The following MDGA1 variants were observed in gnomAD, a reference collection of about 807,000 sequenced individuals.
MDGA1 encodes the protein MAM domain containing glycosylphosphatidylinositol anchor 1.
MDGA1 carries 54 observed loss-of-function variants against 101.5 expected under a neutral mutation model. That is an observed-to-expected ratio of 0.53 (90% CI 0.43 to 0.67). The LOEUF is 0.67. Among genes scored for constraint, MDGA1 ranks in the 30% least tolerant of loss-of-function variants. MDGA1 has a pLI of 0.00. For synonymous variants in MDGA1, 533 were observed against 558.3 expected (o/e 0.95, Z 0.64); for missense variants, 1,083 against 1,323.8 (o/e 0.82, Z 2.82).
At chr6:37,650,775 C>T (rs1269711617) in intron 7 of MDGA1, among the ~76,000 whole-genome samples, 2 of 152,190 alleles carry the variant, frequency 1.3e-5, no homozygotes, top group Non-Finnish European at 2.9e-5. Flanking sequence ...TCTTCTCTTG[C>T]CCTAGTGTGT....
At chr6:37,644,386 G>A (rs1764174182) in intron 13 of MDGA1, 111 bp downstream of exon 13, 3 of 1,173,454 alleles carry the variant, frequency 2.6e-6, no homozygotes, top group Non-Finnish European at 3.4e-6. Flanking sequence ...GAACAGGGCT[G>A]CGTCTCCCTC....
rs1761402823 is a variant in MDGA1 at position 37,652,954 on chromosome 6, T to C, written c.983-614A>G. 6.6e-6 allele frequency among the ~76,000 whole-genome samples: 1 copy of C among 152,258 alleles called. No individual in the cohort carries two copies. Among genetic ancestry groups the C allele is most frequent in the African/African-American group, 2.4e-5 (1 of 41,470 alleles). ...GACTCTTTGTAATAAGTGAGTGTAA[T>C]TTTTGTAATAAGAGACCAATACGAT... is the stretch of plus-strand genomic sequence containing the variant. On this transcript the variant is annotated intron_variant, in intron 6 of 16. Transcript: ENST00000434837. This position sits in a 1 kb window ranked among gnomAD's most constrained non-coding sequence, Gnocchi z 4.3.
At chr6:37,646,398 A>G (rs1180735301) in intron 10 of MDGA1, 23 bp from the exon 11 acceptor site, 1 of 1,445,636 alleles carries the variant, frequency 6.9e-7, no homozygotes, top group Non-Finnish European at 9.2e-7. Flanking sequence ...GAGAGTTCCC[A>G]GATGCCTAGG....
In MDGA1 at chr6:37,697,384, C is replaced by A. The variant is rs1247652983; in HGVS notation, c.-573G>T. The A allele has an allele frequency of 2.6e-5, 4 of 152,082 alleles. No homozygotes were observed. The highest frequency in any genetic ancestry group is 2.1e-4 in the South Asian group (1 of 4,832). 9.4% of individuals were successfully genotyped at this position (152,082 alleles called of 1,614,324 possible). A position where few individuals can be genotyped will look rare whatever the true frequency, so the allele number is the denominator to read the frequency against. The stretch of plus-strand genomic sequence containing the variant: ...CTCGCGGCGGCGAAGCAGCCCCGGG[C>A]CCGGCCCTCCTGATCCGGGGAGCAG... On this transcript the variant is annotated 5_prime_UTR_variant, in exon 1 of 17. Transcript: ENST00000434837.
rs1443722367 is a variant in MDGA1 at position 37,632,611 on chromosome 6, C to G, written c.*4757G>C. 6.5e-6 allele frequency: 1 copy of G among 152,736 alleles called. No individual in the cohort carries two copies. The highest frequency in any genetic ancestry group is 2.4e-5 in the African/African-American group (1 of 41,430). 9.5% of individuals were successfully genotyped at this position (152,736 alleles called of 1,614,324 possible). A position where few individuals can be genotyped will look rare whatever the true frequency, so the allele number is the denominator to read the frequency against. On this transcript the variant is annotated 3_prime_UTR_variant, in exon 17 of 17. Coordinates refer to ENST00000434837, the MANE Select transcript of MDGA1 (RefSeq NM_153487.4). ...AGGTGAAAGAGAGGCAAATGGGGAA[C>G]AGAGGCTGGGGTGGAGACAGACAGC...
At chr6:37,637,784 T>C (rs148657155) in intron 16 of MDGA1, among the ~76,000 whole-genome samples, 3 of 152,278 alleles carry the variant, frequency 2.0e-5, no homozygotes, top group African/African-American at 7.2e-5. Flanking sequence ...GGATTAACTG[T>C]TGTGAGGTAA....
intron 1 of MDGA1, among the ~76,000 whole-genome samples, chr6:37,677,255 C>A (rs2114082843): frequency 6.6e-6 from 1 of 152,274 alleles, no homozygotes; most frequent in African/African-American, 2.4e-5. Context: ...CCAGCTCAAA[C>A]TTTCCGTCAC....
At position 37,658,968 on chromosome 6, in the gene MDGA1, CAAAAAAA is replaced by C. The variant is rs34087406; in HGVS notation, c.208-556_208-550del. ...CCTGGGCAACGGAGCAAGACTGTTT[CAAAAAAA>C]AAAAAAAAAAAAAAGACTGATTTCC... On this transcript the variant is annotated intron_variant, in intron 2 of 16. Coordinates refer to ENST00000434837, the MANE Select transcript of MDGA1 (RefSeq NM_153487.4). Among the ~76,000 whole-genome samples the C allele has an allele frequency of 7.4e-3, 813 of 109,456 alleles. 5 individuals are homozygous for C. Among genetic ancestry groups the C allele is most frequent in the Non-Finnish European group, 0.011 (638 of 57,798 alleles). The allele number at this position is 109,456 out of a possible 152,430, so 71.8% of individuals were successfully genotyped here.
intron 2 of MDGA1, among the ~76,000 whole-genome samples, chr6:37,662,643 A>AAAAAAAGAAAAG (rs572346506): frequency 2.8e-5 from 4 of 145,298 alleles, no homozygotes; most frequent in South Asian, 2.2e-4. Flanking sequence ...TCAAAAAAAA[A>AAAAAAAGAAAAG]AAAACAAGGA....
At chr6:37,657,458 C>T (rs1287524762) in intron 3 of MDGA1, among the ~76,000 whole-genome samples, 1 of 152,198 alleles carries the variant, frequency 6.6e-6, no homozygotes, top group Admixed American at 6.5e-5. Flanking sequence ...CAGCCTCTTC[C>T]AGGGCCAATA....
At chr6:37,637,507 TG>T (rs1763956623) in intron 16 of MDGA1, 48 bp from the exon 17 acceptor site, 1 of 1,549,238 alleles carries the variant, frequency 6.5e-7, no homozygotes, top group East Asian at 2.3e-5. Context: ...TGGTCAGCTC[TG>T]GCAGGGGCAG....
Position 37,631,443 on chromosome 6 carries a change from T to C in MDGA1, c.*5925A>G, listed in dbSNP as rs894123717. 1.3e-5 allele frequency: 2 copies of C among 152,088 alleles called. No homozygotes were observed. Among genetic ancestry groups the C allele is most frequent in the African/African-American group, 4.8e-5 (2 of 41,402 alleles). The allele number at this position is 152,088 out of a possible 1,614,324, so 9.4% of individuals were successfully genotyped here. A position where few individuals can be genotyped will look rare whatever the true frequency, so the allele number is the denominator to read the frequency against. On this transcript the variant is annotated 3_prime_UTR_variant, in exon 17 of 17. Transcript: ENST00000434837. The stretch of plus-strand genomic sequence containing the variant: ...AACATGAGAGCCAATAAAACTTAGG[T>C]GGTAGGGAGAGGGAGCCCTTGGTCT...
chr6:37,654,204 G>T, intron 6 of MDGA1, 70 bp downstream of exon 6: 1 of 1,458,300 alleles, frequency 6.9e-7, no homozygotes, highest in South Asian at 1.5e-5. Flanking sequence ...CTAGTTCATT[G>T]GTAGCTCCCA....
chr6:37,646,238 C>A lies in MDGA1; in HGVS notation c.2184G>T (p.Gly728=). Residue 728 remains glycine, a synonymous_variant, in exon 11 of 17, where the codon GGG becomes GGT. Transcript: ENST00000434837. ...TGATGCGGGAGGCCATGTCACCAGC[C>A]CCGAAGGTGGTATAGGGTGTGAGGC... is the stretch of plus-strand genomic sequence containing the variant. ...EVRLTPYTTF[G]AGDMASRIIH... The A allele has an allele frequency of 2.5e-6, 4 of 1,596,392 alleles. No homozygotes were observed. The highest frequency in any genetic ancestry group is 3.4e-6 in the Non-Finnish European group (4 of 1,169,140).
At position 37,659,103 on chromosome 6, in the gene MDGA1, T is replaced by C. The variant is rs531495403; in HGVS notation, c.208-684A>G. Reference sequence around the variant, plus strand: ...TTGAAGCCTCAGGCCAACAGCCGCGTGAGTTAGCTTGGAAGTAGATCCTCC... The same window carrying C: ...TTGAAGCCTCAGGCCAACAGCCGCGCGAGTTAGCTTGGAAGTAGATCCTCC... On this transcript the variant is annotated intron_variant, in intron 2 of 16. Coordinates refer to ENST00000434837, the MANE Select transcript of MDGA1 (RefSeq NM_153487.4). Among the ~76,000 whole-genome samples the C allele has an allele frequency of 3.3e-5, 5 of 151,578 alleles. 1 individual carries two copies. The highest frequency in any genetic ancestry group is 2.1e-4 in the South Asian group (1 of 4,794).
chr6:37,687,255 T>G (rs923622065), intron 1 of MDGA1, among the ~76,000 whole-genome samples: 1 of 152,048 alleles, frequency 6.6e-6, no homozygotes. Flanking sequence ...TGGGTACTCA[T>G]TAAATATTTG....
intron 14 of MDGA1, among the ~76,000 whole-genome samples, 183 bp downstream of exon 14, chr6:37,643,626 C>G (rs143645153): frequency 6.6e-6 from 1 of 152,332 alleles, no homozygotes; most frequent in South Asian, 2.1e-4. Context: ...CTCAAAACCT[C>G]GGACAAGCTG....
At chr6:37,682,818 T>A (rs1279913863) in intron 1 of MDGA1, among the ~76,000 whole-genome samples, 1 of 152,112 alleles carries the variant, frequency 6.6e-6, no homozygotes, top group East Asian at 1.9e-4. Flanking sequence ...AGGTCCCAGT[T>A]ATTAGTGAAG....
chr6:37,695,967 T>G (rs1762409446), intron 1 of MDGA1, among the ~76,000 whole-genome samples: 1 of 151,492 alleles, frequency 6.6e-6, no homozygotes. Flanking sequence ...GTAACCAGAG[T>G]CTCCCTTGGT....
Sources: gnomAD v4.1 joint callset for allele counts (sites outside exome capture counted in the v4.1 genomes callset) on GRCh38, gnomAD v4.1.1 for gene constraint, Gnocchi (gnomAD v3.1) non-coding constraint, MANE v1.5 for transcripts, NCBI Gene and HGNC (gene_info 2026-07-23, HGNC 2026-07-21) for gene names.